The following SLC22A24 variants were observed in gnomAD, a reference collection of about 807,000 sequenced individuals.
The protein encoded by SLC22A24 is steroid transmembrane transporter SLC22A24.
A neutral mutation model predicts 49.8 loss-of-function variants in SLC22A24; 53 were observed. The ratio of observed to expected loss-of-function variants is 1.06; its 90% CI spans 0.85 to 1.34. The LOEUF (loss-of-function observed/expected upper bound fraction) is 1.34, where lower values mean the gene tolerates loss of function less well. Ranked by LOEUF, SLC22A24 falls within the 40% of genes most tolerant of loss-of-function variation. The pLI is 0.00. For missense variants in SLC22A24, 786 were observed against 675.9 expected, an observed-to-expected ratio of 1.16 and a Z score of -1.81; for synonymous variants, 302 against 256.4, an observed-to-expected ratio of 1.18 and a Z score of -1.70.
chr11:63,128,091 G>A (rs1280985268), intron 2 of SLC22A24, among the ~76,000 whole-genome samples: 2 of 151,656 alleles, frequency 1.3e-5, no homozygotes, highest in African/African-American at 4.8e-5. Flanking sequence ...TGATAGATAT[G>A]ATTATATATG....
chr11:63,129,773 CTGTT>C (rs59068103), intron 2 of SLC22A24, among the ~76,000 whole-genome samples: 5,216 of 152,162 alleles, frequency 0.034, 317 homozygotes, highest in African/African-American at 0.12. Flanking sequence ...ATTTGGCTCT[CTGTT>C]TGTCTGTTAT....
At chr11:63,108,903 A>T in intron 4 of SLC22A24, among the ~76,000 whole-genome samples, 1 of 146,904 alleles carries the variant, frequency 6.8e-6, no homozygotes, top group African/African-American at 2.5e-5. Context: ...TGTGCAGGTT[A>T]GTTACATATG....
chr11:63,099,485 G>A (rs1336429674), intron 5 of SLC22A24, among the ~76,000 whole-genome samples: 1 of 140,122 alleles, frequency 7.1e-6, no homozygotes, highest in Non-Finnish European at 1.5e-5. Flanking sequence ...CAAATTGCTG[G>A]CCTTACCAAA....
At chr11:63,117,685 G>A (rs1339896549) in intron 4 of SLC22A24, among the ~76,000 whole-genome samples, 1 of 152,070 alleles carries the variant, frequency 6.6e-6, no homozygotes, top group African/African-American at 2.4e-5. Flanking sequence ...TCTTCCTTAC[G>A]CTTTTCTTAA....
intron 4 of SLC22A24, among the ~76,000 whole-genome samples, chr11:63,111,897 GA>G (rs2134659495): frequency 6.6e-6 from 1 of 151,836 alleles, no homozygotes; most frequent in African/African-American, 2.4e-5. Flanking sequence ...GCTAGCTTTT[GA>G]ATGTGTTTGC....
chr11:63,095,638 G>T (rs2087049201), intron 6 of SLC22A24, among the ~76,000 whole-genome samples: 1 of 152,054 alleles, frequency 6.6e-6, no homozygotes, highest in African/African-American at 2.4e-5. Flanking sequence ...TTATAGATTT[G>T]CAAAATTGAT....
At chr11:63,105,181 A>G (rs536430095) in intron 4 of SLC22A24, among the ~76,000 whole-genome samples, 119 of 152,338 alleles carry the variant, frequency 7.8e-4, no homozygotes, top group African/African-American at 2.6e-3. Context: ...TGGCTTGGAC[A>G]GGGTACAGCC....
intron 4 of SLC22A24, among the ~76,000 whole-genome samples, chr11:63,117,278 T>C (rs1236983169): frequency 6.6e-6 from 1 of 152,224 alleles, no homozygotes; most frequent in East Asian, 1.9e-4. Flanking sequence ...TAGTGGCTTT[T>C]TGTTAACGAA....
intron 6 of SLC22A24, among the ~76,000 whole-genome samples, chr11:63,085,578 A>G (rs1277834256): frequency 3.3e-5 from 5 of 152,230 alleles, no homozygotes; most frequent in African/African-American, 1.2e-4. Flanking sequence ...CTGAAATGAT[A>G]ATTTATGGAG....
At chr11:63,105,893 T>A (rs1305314339) in intron 4 of SLC22A24, among the ~76,000 whole-genome samples, 2 of 152,182 alleles carry the variant, frequency 1.3e-5, no homozygotes, top group Non-Finnish European at 2.9e-5. Flanking sequence ...CAAACATTTA[T>A]GCACTGTTGC....
At chr11:63,087,091 A>G (rs2086992296) in intron 6 of SLC22A24, among the ~76,000 whole-genome samples, 1 of 146,260 alleles carries the variant, frequency 6.8e-6, no homozygotes, top group African/African-American at 2.5e-5. Flanking sequence ...GAGAAACCCA[A>G]GTAAGTAGAA....
chr11:63,138,448 C>G (rs2087390853), intron 1 of SLC22A24, among the ~76,000 whole-genome samples: 1 of 151,972 alleles, frequency 6.6e-6, no homozygotes, highest in African/African-American at 2.4e-5. Flanking sequence ...CAAGACCATC[C>G]TGGCTAACAC....
intron 4 of SLC22A24, among the ~76,000 whole-genome samples, chr11:63,108,787 A>C (rs1476581642): frequency 7.1e-6 from 1 of 140,712 alleles, no homozygotes; most frequent in Non-Finnish European, 1.6e-5. Context: ...TATCCCCTTT[A>C]TCATTTTTTT....
intron 1 of SLC22A24, among the ~76,000 whole-genome samples, chr11:63,137,271 A>G (rs957283143): frequency 6.6e-6 from 1 of 152,040 alleles, no homozygotes; most frequent in Non-Finnish European, 1.5e-5. Flanking sequence ...TGGAAGGGAT[A>G]ATCTTGAAGT....
At chr11:63,125,574 T>G (rs960925719) in intron 2 of SLC22A24, among the ~76,000 whole-genome samples, 1 of 152,222 alleles carries the variant, frequency 6.6e-6, no homozygotes. Flanking sequence ...ACATTTGGGT[T>G]GGTTCCAAGT....
At chr11:63,124,724 A>T (rs2087276042) in intron 2 of SLC22A24, among the ~76,000 whole-genome samples, 1 of 152,126 alleles carries the variant, frequency 6.6e-6, no homozygotes, top group South Asian at 2.1e-4. Flanking sequence ...CTTATTAAAC[A>T]TTTCAAATTA....
rs2086961541 is a variant in SLC22A24, at chr11:63,081,741, C to A, written c.1286-75G>T. 4 of 981,696 alleles carry A rather than the reference C, an allele frequency of 4.1e-6. No individual in the cohort carries two copies. The South Asian group carries it at 5.6e-5, about 14-fold the overall frequency. The allele number at this position is 981,696 out of a possible 1,614,324, so 60.8% of individuals were successfully genotyped here. ...ACCCCCAAATAATTGTAAAAAGATTCTAATGGAGGAATTTGCAAGTGTGAA... is the reference window on the plus strand; with the variant it reads ...ACCCCCAAATAATTGTAAAAAGATTATAATGGAGGAATTTGCAAGTGTGAA... On this transcript the variant is annotated intron_variant, in intron 7 of 9. Transcript: ENST00000612278.
At chr11:63,125,323 A>C (rs967951823) in intron 2 of SLC22A24, among the ~76,000 whole-genome samples, 4 of 151,950 alleles carry the variant, frequency 2.6e-5, no homozygotes, top group African/African-American at 9.7e-5. Context: ...GCACTCCACG[A>C]CAGGCCCTGG....
At chr11:63,104,077 C>T (rs773178197) in intron 5 of SLC22A24, 98 bp downstream of exon 5, 61 of 1,265,232 alleles carry the variant, frequency 4.8e-5, no homozygotes, top group Admixed American at 2.8e-4. Flanking sequence ...ACTCCACTCA[C>T]AGAAGTCTAA....
Sources: allele counts gnomAD v4.1 joint callset (sites outside exome capture counted in the v4.1 genomes callset), GRCh38; gene constraint gnomAD v4.1.1; transcripts MANE v1.5; gene names NCBI Gene and HGNC (gene_info 2026-07-23, HGNC 2026-07-21).